UBE2V2: variants seen among roughly 807,000 people sequenced by gnomAD.
UBE2V2 encodes the protein ubiquitin-conjugating enzyme E2 variant 2.
Under a neutral mutation model 17.2 loss-of-function variants are expected in UBE2V2, and 9 were observed. That is an observed-to-expected ratio of 0.52 (90% confidence interval 0.32 to 0.91). UBE2V2 has a LOEUF of 0.91. Among genes scored for constraint, UBE2V2 ranks in the 40% least tolerant of loss-of-function variants. The pLI, the probability that UBE2V2 is intolerant of heterozygous loss-of-function variation, is 0.04. For synonymous variants in UBE2V2, 61 were observed against 57.5 expected (o/e 1.06, Z -0.28); for missense variants, 133 against 182.6 (o/e 0.73, Z 1.56).
chr8:48,010,541 A>G lies in UBE2V2; in HGVS notation c.16+2071A>G, dbSNP rs540631757. On this transcript the variant is annotated intron_variant, in intron 1 of 3. Transcript: ENST00000523111. ...CTCAGTCTCCTGAGTAGCTGGGACA[A>G]CAGGCGCGTGCCACCATGCCCAGCT... Among the ~76,000 whole-genome samples the G allele has an allele frequency of 1.1e-3, 172 of 151,426 alleles. 2 individuals are homozygous for G. The South Asian group carries it at 0.035, about 31-fold the overall frequency.
Position 48,008,454 on chromosome 8 carries a change from G to A in UBE2V2, c.-1G>A, listed in dbSNP as rs140709996. 3.4e-5 allele frequency: 54 copies of A among 1,567,018 alleles called. No homozygotes were observed. In the African/African-American group the frequency reaches 4.4e-4, roughly 13 times the overall value. ...GCGGCTGCGTCGGGCTGCAGGAGAA[G>A]ATGGCGGTCTCCACAGGTCGGTTCC... On this transcript the variant is annotated 5_prime_UTR_variant, in exon 1 of 4. Transcript: ENST00000523111.
chr8:48,037,528 G>T (rs1054215845), intron 1 of UBE2V2, among the ~76,000 whole-genome samples: 2 of 152,212 alleles, frequency 1.3e-5, no homozygotes, highest in African/African-American at 4.8e-5. Flanking sequence ...TCAGTCATCT[G>T]GTTAGGTTCT....
At chr8:48,034,736 A>G (rs1306074287) in intron 1 of UBE2V2, 2 of 151,698 alleles carry the variant, frequency 1.3e-5, no homozygotes, top group East Asian at 1.9e-4. Context: ...TGCTTTTCCA[A>G]CCCCCCTCCC....
chr8:48,007,056 AT>A (rs1256659988), upstream of UBE2V2, among the ~76,000 whole-genome samples: 389 of 136,714 alleles, frequency 2.8e-3, no homozygotes, highest in Admixed American at 3.5e-3. Context: ...AATTTTTTGT[AT>A]TTTTTTTTTT....
chr8:48,013,587 G>C (rs921022721), intron 1 of UBE2V2, among the ~76,000 whole-genome samples: 1 of 152,154 alleles, frequency 6.6e-6, no homozygotes, highest in African/African-American at 2.4e-5. Flanking sequence ...GGGATTACAG[G>C]CGTGAGCCAC....
the UBE2V2 span, among the ~76,000 whole-genome samples, chr8:47,998,619 C>G: frequency 2.4e-4 from 36 of 150,760 alleles, no homozygotes; most frequent in East Asian, 5.9e-3. Flanking sequence ...TCTGGGACTT[C>G]GGCAGGTTCA....
At chr8:48,022,626 A>T (rs1160530959) in intron 1 of UBE2V2, among the ~76,000 whole-genome samples, 1 of 152,086 alleles carries the variant, frequency 6.6e-6, no homozygotes, top group African/African-American at 2.4e-5. Context: ...TGTGTTACTC[A>T]TCAGTATCCT....
At chr8:48,005,815 CATTT>C (rs2091179773), upstream of UBE2V2, among the ~76,000 whole-genome samples, 1 of 152,286 alleles carries the variant, frequency 6.6e-6, no homozygotes, top group East Asian at 1.9e-4. Flanking sequence ...TAAATGTCTT[CATTT>C]GAGAAGTGTC....
intron 1 of UBE2V2, among the ~76,000 whole-genome samples, chr8:48,011,811 A>G (rs1480121702): frequency 6.6e-6 from 1 of 152,152 alleles, no homozygotes; most frequent in African/African-American, 2.4e-5. Context: ...GCATTGCCAC[A>G]CCTGGCTAAT....
chr8:48,014,204 T>C (rs1413733807), intron 1 of UBE2V2, among the ~76,000 whole-genome samples: 1 of 152,192 alleles, frequency 6.6e-6, no homozygotes, highest in Non-Finnish European at 1.5e-5. Flanking sequence ...AACCTCACTG[T>C]ACAGGCAGTC....
At chr8:48,017,133 A>AG (rs1277204126) in intron 1 of UBE2V2, among the ~76,000 whole-genome samples, 2 of 151,746 alleles carry the variant, frequency 1.3e-5, no homozygotes, top group Non-Finnish European at 2.9e-5. Flanking sequence ...AATGGGAGTG[A>AG]GGTGATACCT....
At chr8:48,015,888 CTG>C (rs2091265206) in intron 1 of UBE2V2, among the ~76,000 whole-genome samples, 1 of 146,716 alleles carries the variant, frequency 6.8e-6, no homozygotes, top group Non-Finnish European at 1.5e-5. Flanking sequence ...ATCCATTTGT[CTG>C]TGTGGTTTTT....
At chr8:48,017,846 CTTT>C (rs71548448) in intron 1 of UBE2V2, among the ~76,000 whole-genome samples, 4 of 134,628 alleles carry the variant, frequency 3.0e-5, no homozygotes, top group African/African-American at 5.5e-5. Flanking sequence ...CATAGATTGC[CTTT>C]TTTTTTTTTT....
At chr8:48,037,510 C>G (rs1391807972) in intron 1 of UBE2V2, among the ~76,000 whole-genome samples, 1 of 152,204 alleles carries the variant, frequency 6.6e-6, no homozygotes, top group South Asian at 2.1e-4. Context: ...AAAAAGAAAG[C>G]ACTTTGCTCA....
rs910867633 is a variant in UBE2V2, at chr8:48,062,962, T to A, written c.*2134T>A. 3.3e-5 allele frequency: 5 copies of A among 152,230 alleles called. No individual in the cohort carries two copies. The highest frequency in any genetic ancestry group is 1.2e-4 in the African/African-American group (5 of 41,454). 9.4% of individuals were successfully genotyped at this position (152,230 alleles called of 1,614,324 possible). A position where few individuals can be genotyped will look rare whatever the true frequency, so the allele number is the denominator to read the frequency against. ...AAGATTAAATTGAATGAAACTGTAG[T>A]CTAATGGTAACTGATGATCTGAATC... is the stretch of plus-strand genomic sequence containing the variant. On this transcript the variant is annotated 3_prime_UTR_variant, in exon 4 of 4. Transcript: ENST00000523111.
intron 1 of UBE2V2, among the ~76,000 whole-genome samples, chr8:48,015,958 C>T (rs551054909): frequency 9.9e-5 from 14 of 142,026 alleles, no homozygotes; most frequent in African/African-American, 3.5e-4. Context: ...AGTGCAGTGG[C>T]GCGTTCTCAG....
At chr8:48,040,037 C>G (rs996588245) in intron 1 of UBE2V2, among the ~76,000 whole-genome samples, 6 of 147,116 alleles carry the variant, frequency 4.1e-5, no homozygotes, top group Non-Finnish European at 8.9e-5. Context: ...CCAGCCTTTT[C>G]TACTTTTTTT....
chr8:48,009,490 T>G (rs2091213262), intron 1 of UBE2V2, among the ~76,000 whole-genome samples: 1 of 152,198 alleles, frequency 6.6e-6, no homozygotes, highest in Non-Finnish European at 1.5e-5. Flanking sequence ...GGTCTCGAAC[T>G]CCTGACCTCA....
chr8:48,026,236 G>A (rs989279976), intron 1 of UBE2V2, among the ~76,000 whole-genome samples: 8 of 151,930 alleles, frequency 5.3e-5, no homozygotes, highest in Non-Finnish European at 7.4e-5. Flanking sequence ...TATGTAACCC[G>A]GGCTTCTTAT....
Sources: gnomAD v4.1 joint callset for allele counts (sites outside exome capture counted in the v4.1 genomes callset) on GRCh38, gnomAD v4.1.1 for gene constraint, MANE v1.5 for transcripts, NCBI Gene and HGNC (gene_info 2026-07-23, HGNC 2026-07-21) for gene names.